The following SYCP1 variants were observed in gnomAD, a reference collection of about 807,000 sequenced individuals.
SYCP1 encodes cancer/testis antigen 8.
A neutral mutation model predicts 153.1 loss-of-function variants in SYCP1; 64 were observed. That is an observed-to-expected ratio of 0.42 (90% CI 0.34 to 0.51). The LOEUF is 0.51. SYCP1 is among the 20% of genes least tolerant of loss of function. SYCP1 has a pLI of 0.06. For synonymous variants in SYCP1, 384 were observed against 341.8 expected, an observed-to-expected ratio of 1.12 and a Z score of -1.36; for missense variants, 997 against 1,049.0, an observed-to-expected ratio of 0.95 and a Z score of 0.68.
chr1:114,951,808 C>T (rs1196492637), intron 27 of SYCP1, among the ~76,000 whole-genome samples: 1 of 151,904 alleles, frequency 6.6e-6, no homozygotes, highest in East Asian at 1.9e-4. Context: ...CCACCTCCCT[C>T]CCCCACCCCT....
At chr1:114,965,298 T>G (rs1672045780) in intron 27 of SYCP1, among the ~76,000 whole-genome samples, 1 of 152,194 alleles carries the variant, frequency 6.6e-6, no homozygotes, top group Non-Finnish European at 1.5e-5. Flanking sequence ...TCATGTCTTC[T>G]GCAAACAGAG....
intron 16 of SYCP1, among the ~76,000 whole-genome samples, chr1:114,900,133 G>A (rs1377987964): frequency 2.0e-5 from 3 of 152,010 alleles, no homozygotes; most frequent in African/African-American, 7.2e-5. Flanking sequence ...ATGCCTTTTT[G>A]AATTTAGTCA....
chr1:114,983,295 G>C (rs1210716933), intron 29 of SYCP1, among the ~76,000 whole-genome samples: 1 of 151,924 alleles, frequency 6.6e-6, no homozygotes, highest in East Asian at 1.9e-4. Context: ...TCATTTCCTA[G>C]CTTTTCTTTC....
intron 16 of SYCP1, among the ~76,000 whole-genome samples, chr1:114,905,793 A>C (rs1218260294): frequency 1.3e-5 from 2 of 151,962 alleles, no homozygotes; most frequent in Admixed American, 6.6e-5. Flanking sequence ...TTTAATCTTG[A>C]ATGATTTTGG....
intron 3 of SYCP1, 65 bp from the exon 4 acceptor site, chr1:114,857,167 G>GAAAAA: frequency 5.4e-6 from 3 of 558,546 alleles, no homozygotes; most frequent in Non-Finnish European, 2.6e-6. Flanking sequence ...AGAGAAAAAA[G>GAAAAA]AAAAAAAAAA....
intron 21 of SYCP1, among the ~76,000 whole-genome samples, chr1:114,924,702 A>G (rs1371587119): frequency 2.6e-5 from 4 of 152,104 alleles, no homozygotes; most frequent in East Asian, 1.9e-4. Context: ...CATTGTAACT[A>G]AAAGATGGAG....
At chr1:114,986,713 G>A (rs1448212957) in intron 30 of SYCP1, among the ~76,000 whole-genome samples, 1 of 151,982 alleles carries the variant, frequency 6.6e-6, no homozygotes, top group Non-Finnish European at 1.5e-5. Flanking sequence ...ATGACCTCAG[G>A]AAGATGGTGG....
At chr1:114,950,822 C>CTT (rs1240404864) in intron 27 of SYCP1, among the ~76,000 whole-genome samples, 6 of 138,960 alleles carry the variant, frequency 4.3e-5, no homozygotes, top group East Asian at 4.2e-4. Context: ...AAATTACACT[C>CTT]TTTTTTTTTT....
intron 27 of SYCP1, among the ~76,000 whole-genome samples, chr1:114,951,014 T>C (rs973550338): frequency 1.3e-5 from 2 of 152,116 alleles, no homozygotes; most frequent in East Asian, 1.9e-4. Flanking sequence ...TTAGTAGAGA[T>C]GGGGTTTCAC....
intron 8 of SYCP1, among the ~76,000 whole-genome samples, chr1:114,864,647 G>C (rs360623): frequency 0.59 from 89,096 of 151,546 alleles, 26,472 homozygotes; most frequent in African/African-American, 0.65. Flanking sequence ...CACCACCAGG[G>C]CTGTCTAATT....
chr1:114,994,817 A>G lies in SYCP1; in HGVS notation c.2793+30A>G, dbSNP rs866251183. The stretch of plus-strand genomic sequence containing the variant: ...CTTTTAAATTTTATTTCAGAAAGCA[A>G]ATTTTAAAAGCTGCACTTAAAAAAT... On this transcript the variant is annotated intron_variant, in intron 31 of 31. Coordinates refer to ENST00000369522, the MANE Select transcript of SYCP1 (RefSeq NM_003176.4). 7 of 1,572,720 alleles carry G rather than the reference A, an allele frequency of 4.5e-6. No homozygotes were observed. In the South Asian group the frequency reaches 4.8e-5, roughly 11 times the overall value.
rs1450691049 is a variant in SYCP1 at position 114,926,346 on chromosome 1, T to C, written c.1863+6T>C. 1 of 1,530,664 alleles carries C rather than the reference T, an allele frequency of 6.5e-7. No homozygotes were observed. Among genetic ancestry groups the C allele is most frequent in the Non-Finnish European group, 8.8e-7 (1 of 1,137,322 alleles). The allele number at this position is 1,530,664 out of a possible 1,614,324, so 94.8% of individuals were successfully genotyped here. A position where few individuals can be genotyped will look rare whatever the true frequency, so the allele number is the denominator to read the frequency against. ...TTGAAGAACTTCAGCAGGAGGTATGTATTTTTTATAAATATTCTCAAAATC... is the reference window on the plus strand; with the variant it reads ...TTGAAGAACTTCAGCAGGAGGTATGCATTTTTTATAAATATTCTCAAAATC... On this transcript the variant is annotated splice_donor_region_variant and intron_variant, in intron 22 of 31. Transcript: ENST00000369522.
At chr1:114,975,088 A>C (rs1672726103) in intron 27 of SYCP1, among the ~76,000 whole-genome samples, 1 of 151,850 alleles carries the variant, frequency 6.6e-6, no homozygotes, top group Non-Finnish European at 1.5e-5. Flanking sequence ...AGCAATGGTG[A>C]CTATTTTTAA....
intron 27 of SYCP1, among the ~76,000 whole-genome samples, chr1:114,970,624 C>G (rs1011240059): frequency 1.3e-5 from 2 of 150,456 alleles, no homozygotes; most frequent in Non-Finnish European, 3.0e-5. Flanking sequence ...GGTGCTCTCC[C>G]TCTTCCCCTA....
intron 27 of SYCP1, among the ~76,000 whole-genome samples, chr1:114,971,569 G>A (rs1223313769): frequency 6.6e-6 from 1 of 152,146 alleles, no homozygotes; most frequent in African/African-American, 2.4e-5. Flanking sequence ...CTAGCTGTGA[G>A]TCTGTCATAT....
At chr1:114,993,231 CTGAGTA>C (rs1415510928) in intron 30 of SYCP1, among the ~76,000 whole-genome samples, 2 of 151,490 alleles carry the variant, frequency 1.3e-5, no homozygotes, top group East Asian at 1.9e-4. Flanking sequence ...CACACTGATT[CTGAGTA>C]TATCTGCAAA....
In SYCP1 at chr1:114,880,298, C is replaced by A. The variant is rs190717433; in HGVS notation, c.910+2096C>A. Reference sequence around the variant, plus strand: ...CCCATTAAAAAATAACATCCCATTCCCTTCTTCCTGCAGCTTCTGGCAACC... The same window carrying A: ...CCCATTAAAAAATAACATCCCATTCACTTCTTCCTGCAGCTTCTGGCAACC... On this transcript the variant is annotated intron_variant, in intron 12 of 31. Coordinates refer to ENST00000369522, the MANE Select transcript of SYCP1 (RefSeq NM_003176.4). Among the ~76,000 whole-genome samples, 166 of 152,268 alleles carry A rather than the reference C, an allele frequency of 1.1e-3. 1 individual carries two copies. Among genetic ancestry groups the A allele is most frequent in the Admixed American group, 2.5e-3 (38 of 15,296 alleles).
At chr1:114,932,020 A>T (rs1669666024) in intron 23 of SYCP1, among the ~76,000 whole-genome samples, 1 of 152,200 alleles carries the variant, frequency 6.6e-6, no homozygotes, top group Non-Finnish European at 1.5e-5. Flanking sequence ...GGAAAGAAAA[A>T]AAACAAACCT....
At chr1:114,931,537 C>A (rs1024471912) in intron 23 of SYCP1, among the ~76,000 whole-genome samples, 3 of 151,960 alleles carry the variant, frequency 2.0e-5, no homozygotes, top group African/African-American at 4.8e-5. Context: ...GTGTGCAAGA[C>A]CCATACAGAG....
Sources: allele counts gnomAD v4.1 joint callset (sites outside exome capture counted in the v4.1 genomes callset), GRCh38; gene constraint gnomAD v4.1.1; transcripts MANE v1.5; gene names NCBI Gene and HGNC (gene_info 2026-07-23, HGNC 2026-07-21).